The following RNLS variants were observed in gnomAD, a reference collection of about 807,000 sequenced individuals.
RNLS encodes renalase.
A neutral mutation model predicts 39.8 loss-of-function variants in RNLS; 39 were observed. The ratio of observed to expected loss-of-function variants is 0.98; its 90% confidence interval spans 0.76 to 1.28. RNLS has a LOEUF of 1.28. Among genes scored for constraint, RNLS ranks in the 50% most tolerant of loss-of-function variants. The probability of loss-of-function intolerance (pLI) is 0.00; values close to 1 mark genes in which losing one functional copy is unlikely to be tolerated. For missense variants in RNLS, 410 were observed against 413.3 expected (o/e 0.99, Z 0.07); for synonymous variants, 147 against 150.7 (o/e 0.98, Z 0.18).
At chr10:88,382,932 G>A (rs1851640910) in intron 4 of RNLS, among the ~76,000 whole-genome samples, 1 of 151,898 alleles carries the variant, frequency 6.6e-6, no homozygotes, top group Non-Finnish European at 1.5e-5. Flanking sequence ...AATAGACGGT[G>A]GTAAAATATT....
intron 4 of RNLS, among the ~76,000 whole-genome samples, chr10:88,388,541 C>A (rs1369796138): frequency 6.6e-6 from 1 of 152,126 alleles, no homozygotes; most frequent in African/African-American, 2.4e-5. Context: ...CACAGTCTTT[C>A]CAGCTGAAGA....
At chr10:88,555,570 A>G (rs921129779) in intron 4 of RNLS, among the ~76,000 whole-genome samples, 4 of 152,164 alleles carry the variant, frequency 2.6e-5, no homozygotes, top group Admixed American at 2.6e-4. Context: ...AAGCCTCACC[A>G]GAAGCTGAGC....
chr10:88,269,471 G>A (rs939756896), downstream of RNLS, among the ~76,000 whole-genome samples: 2 of 152,126 alleles, frequency 1.3e-5, no homozygotes, highest in African/African-American at 2.4e-5. Context: ...GCTATATTAG[G>A]CAGGTCTGAG....
intron 4 of RNLS, among the ~76,000 whole-genome samples, chr10:88,542,401 T>C (rs1339657822): frequency 6.6e-6 from 1 of 152,184 alleles, no homozygotes; most frequent in Non-Finnish European, 1.5e-5. Flanking sequence ...TGTTTGTCTT[T>C]GTTTTATCTA....
chr10:88,581,562 C>A lies in RNLS; in HGVS notation c.367+5G>T. 6.3e-7 allele frequency: 1 copy of A among 1,586,222 alleles called. No homozygotes were observed. The highest frequency in any genetic ancestry group is 8.6e-7 in the Non-Finnish European group (1 of 1,169,186). ...AAATTTAGGCAGAGAAAATCTTACT[C>A]CCACCTGATTCTTTCAAGTAATGCT... On this transcript the variant is annotated splice_donor_5th_base_variant and intron_variant, in intron 3 of 6. Coordinates refer to ENST00000331772, the MANE Select transcript of RNLS (RefSeq NM_001031709.3).
chr10:88,181,509 A>G, the RNLS span, among the ~76,000 whole-genome samples: 4 of 152,270 alleles, frequency 2.6e-5, no homozygotes, highest in African/African-American at 9.6e-5. Context: ...GGCAATAGAA[A>G]ACTGACACAC....
At chr10:88,264,880 T>TTTTGCATTCTTGGTCATGAAGTC in the RNLS span, among the ~76,000 whole-genome samples, 1 of 152,244 alleles carries the variant, frequency 6.6e-6, no homozygotes, top group Non-Finnish European at 1.5e-5. Context: ...TTGCGATTGC[T>TTTTGCATTCTTGGTCATGAAGTC]TTTGCATTCT....
chr10:88,252,204 T>C, the RNLS span, among the ~76,000 whole-genome samples: 4 of 152,154 alleles, frequency 2.6e-5, no homozygotes, highest in Admixed American at 2.6e-4. Context: ...TATCTCGTCA[T>C]ATCCAATTTA....
the RNLS span, among the ~76,000 whole-genome samples, chr10:88,252,543 G>T: frequency 1.3e-5 from 2 of 152,106 alleles, no homozygotes; most frequent in Non-Finnish European, 2.9e-5. Context: ...ATCTTTACCT[G>T]CCCAAGTCTA....
intron 4 of RNLS, among the ~76,000 whole-genome samples, chr10:88,511,733 G>A (rs777760009): frequency 6.6e-6 from 1 of 152,148 alleles, no homozygotes; most frequent in Admixed American, 6.6e-5. Flanking sequence ...AGGAGTGATC[G>A]TGATCTACAC....
At chr10:88,415,486 C>A (rs914984960) in intron 4 of RNLS, among the ~76,000 whole-genome samples, 2 of 152,084 alleles carry the variant, frequency 1.3e-5, no homozygotes, top group Non-Finnish European at 2.9e-5. Context: ...TTTTTTCCCC[C>A]CTCAACAAAC....
At chr10:88,322,818 C>T (rs1846282783) in intron 5 of RNLS, among the ~76,000 whole-genome samples, 1 of 152,056 alleles carries the variant, frequency 6.6e-6, no homozygotes, top group African/African-American at 2.4e-5. Context: ...AAAAGTAATA[C>T]AAATAGGAAA....
At chr10:88,222,869 G>C in the RNLS span, among the ~76,000 whole-genome samples, 3 of 152,220 alleles carry the variant, frequency 2.0e-5, no homozygotes, top group Non-Finnish European at 2.9e-5. Flanking sequence ...CAGCAAAGGA[G>C]GCAGCTATAG....
intron 4 of RNLS, among the ~76,000 whole-genome samples, chr10:88,392,068 A>G (rs1032158188): frequency 2.0e-5 from 3 of 152,250 alleles, no homozygotes; most frequent in Non-Finnish European, 4.4e-5. Flanking sequence ...TATTGTCTCT[A>G]TGTGACTTGA....
chr10:88,240,036 TAATG>T, the RNLS span, among the ~76,000 whole-genome samples: 19 of 152,348 alleles, frequency 1.2e-4, no homozygotes, highest in Non-Finnish European at 2.9e-5. Context: ...TATAAAAACA[TAATG>T]AAAGATATAA....
intron 4 of RNLS, among the ~76,000 whole-genome samples, chr10:88,490,479 C>G (rs538318135): frequency 6.6e-6 from 1 of 152,248 alleles, no homozygotes; most frequent in South Asian, 2.1e-4. Context: ...TCAGATAATA[C>G]AGAAAGTTGT....
intron 4 of RNLS, among the ~76,000 whole-genome samples, chr10:88,438,065 G>A (rs945018717): frequency 2.0e-5 from 3 of 151,126 alleles, no homozygotes; most frequent in Admixed American, 2.0e-4. Context: ...GGCGGAGGTT[G>A]CGGTGAGCTG....
intron 4 of RNLS, among the ~76,000 whole-genome samples, chr10:88,399,331 CG>C (rs1852765660): frequency 6.6e-6 from 1 of 151,856 alleles, no homozygotes; most frequent in South Asian, 2.1e-4. Flanking sequence ...CATGAATGTT[CG>C]TAAAATTTTT....
At chr10:88,430,826 T>C (rs1855093643) in intron 4 of RNLS, among the ~76,000 whole-genome samples, 1 of 151,836 alleles carries the variant, frequency 6.6e-6, no homozygotes, top group Non-Finnish European at 1.5e-5. Flanking sequence ...CTTCCATTTA[T>C]GGGATAAACC....
Sources: gnomAD v4.1 joint callset for allele counts (sites outside exome capture counted in the v4.1 genomes callset) on GRCh38, gnomAD v4.1.1 for gene constraint, MANE v1.5 for transcripts, NCBI Gene and HGNC (gene_info 2026-07-23, HGNC 2026-07-21) for gene names.